Variants in TRAPPC2 observed in about 807,000 individuals in gnomAD.
TRAPPC2 encodes trafficking protein particle complex subunit 2.
A neutral mutation model predicts 10.0 loss-of-function variants in TRAPPC2; 4 were observed. The observed-to-expected ratio is 0.40, with a 90% confidence interval of 0.20 to 0.92. The LOEUF is 0.92. Ranked by LOEUF, TRAPPC2 falls within the 40% of genes least tolerant of loss-of-function variation. The pLI is 0.35. For missense variants in TRAPPC2, 52 were observed against 108.7 expected (o/e 0.48, Z 2.32); for synonymous variants, 36 against 37.3 (o/e 0.97, Z 0.12).
At chrX:13,725,760 G>C (rs2046534037) in intron 2 of TRAPPC2, among the ~76,000 whole-genome samples, 1 of 112,327 alleles carries the variant, frequency 8.9e-6, no homozygotes, top group African/African-American at 3.2e-5. Flanking sequence ...GAATGACTTT[G>C]ATGAGTTGAC....
Position 13,731,742 on chromosome X carries a change from T to C in TRAPPC2, c.-20+2302A>G, listed in dbSNP as rs891583779. Among the ~76,000 whole-genome samples the C allele has an allele frequency of 2.7e-5, 3 of 112,112 alleles. No homozygotes were observed. In the East Asian group the frequency reaches 8.4e-4, roughly 31 times the overall value. On this transcript the variant is annotated intron_variant, in intron 2 of 5. Coordinates refer to ENST00000380579, the MANE Select transcript of TRAPPC2 (RefSeq NM_001011658.4). The stretch of plus-strand genomic sequence containing the variant: ...TACTCGGAGAACATTGGGTGCTCCG[T>C]GTCAATTTATGGCACAGGGTCTCTA...
At chrX:13,721,037 A>AC (rs968792631) in intron 2 of TRAPPC2, 1 of 110,159 alleles carries the variant, frequency 9.1e-6, no homozygotes, top group African/African-American at 3.3e-5. Context: ...AAAAAAAAAA[A>AC]AAAAACAGAT....
chrX:13,727,738 A>C (rs768016150), intron 2 of TRAPPC2, among the ~76,000 whole-genome samples: 2 of 112,219 alleles, frequency 1.8e-5, no homozygotes, highest in South Asian at 7.3e-4. Flanking sequence ...AAGACAAGAA[A>C]TAACTAAGAT....
chrX:13,726,151 A>G (rs1344750515), intron 2 of TRAPPC2, among the ~76,000 whole-genome samples: 2 of 112,551 alleles, frequency 1.8e-5, no homozygotes, highest in African/African-American at 3.2e-5. Flanking sequence ...CCTGAAAGTG[A>G]TGGGGAGAAT....
rs1569070216 is a variant in TRAPPC2, at chrX:13,713,355, AAGG to A, written c.*1049_*1051del. The A allele has an allele frequency of 9.7e-6, 1 of 103,160 alleles. No homozygotes were observed. The highest frequency in any genetic ancestry group is 3.1e-4 in the East Asian group (1 of 3,205). 8.5% of individuals were successfully genotyped at this position (103,160 alleles called of 1,213,427 possible). ...ATCCCAGCTACTCGGGAGGCTGAAG[AAGG>A]AGAATTGCTTGAACCCAGGAGGTGG... is the stretch of plus-strand genomic sequence containing the variant. On this transcript the variant is annotated 3_prime_UTR_variant, in exon 6 of 6. Transcript: ENST00000380579.
At chrX:13,723,335 T>C (rs1051153503) in intron 2 of TRAPPC2, among the ~76,000 whole-genome samples, 21 of 108,017 alleles carry the variant, frequency 1.9e-4, no homozygotes, top group African/African-American at 6.8e-4. Context: ...GCCCGGCTAA[T>C]TTTTGTATTT....
chrX:13,727,898 TA>T (rs1390997164), intron 2 of TRAPPC2, among the ~76,000 whole-genome samples: 1 of 110,845 alleles, frequency 9.0e-6, no homozygotes, highest in Admixed American at 9.6e-5. Context: ...ATAGATGCAA[TA>T]AAAAATGATA....
At chrX:13,717,053 A>AC (rs1457553151) in intron 3 of TRAPPC2, among the ~76,000 whole-genome samples, 1 of 105,550 alleles carries the variant, frequency 9.5e-6, no homozygotes, top group Non-Finnish European at 2.0e-5. Flanking sequence ...AAAAAAAAAA[A>AC]AAAAAAAAAA....
intron 2 of TRAPPC2, among the ~76,000 whole-genome samples, chrX:13,724,400 T>TAAAAAAA (rs772302164): frequency 2.4e-5 from 2 of 82,313 alleles, no homozygotes; most frequent in African/African-American, 9.0e-5. Context: ...AATATATATT[T>TAAAAAAA]AAAAAAAAAA....
intron 2 of TRAPPC2, among the ~76,000 whole-genome samples, chrX:13,724,994 A>G (rs2046513290): frequency 8.8e-6 from 1 of 113,192 alleles, no homozygotes; most frequent in South Asian, 3.6e-4. Flanking sequence ...AGCCTTGCTC[A>G]CTGCTAGCGC....
chrX:13,729,065 G>T (rs1421651088), intron 2 of TRAPPC2, among the ~76,000 whole-genome samples: 1 of 111,531 alleles, frequency 9.0e-6, no homozygotes, highest in Non-Finnish European at 1.9e-5. Flanking sequence ...TCTTCAAGGA[G>T]AACTACAAAC....
intron 2 of TRAPPC2, among the ~76,000 whole-genome samples, chrX:13,725,008 A>G: frequency 8.8e-6 from 1 of 113,306 alleles, no homozygotes; most frequent in South Asian, 3.6e-4. Flanking sequence ...CTAGCGCAGC[A>G]GTCTGAGATT....
At chrX:13,728,607 A>G (rs1005522382) in intron 2 of TRAPPC2, among the ~76,000 whole-genome samples, 1 of 112,070 alleles carries the variant, frequency 8.9e-6, no homozygotes, top group African/African-American at 3.2e-5. Flanking sequence ...ATCTCAAAAT[A>G]ATAAGAGCTA....
chrX:13,717,221 T>C (rs1382331839), intron 3 of TRAPPC2, among the ~76,000 whole-genome samples: 2 of 110,087 alleles, frequency 1.8e-5, no homozygotes, highest in East Asian at 5.7e-4. Flanking sequence ...TTCCAGTGCA[T>C]GGAGCTTACA....
At chrX:13,716,770 C>T (rs1273695465) in intron 3 of TRAPPC2, 92 bp from the exon 4 acceptor site, 13 of 998,581 alleles carry the variant, frequency 1.3e-5, no homozygotes, top group Middle Eastern at 2.7e-4. Flanking sequence ...AGATGGTTTT[C>T]TTGTGGGGAA....
In TRAPPC2 at chrX:13,717,911, G is replaced by A. The variant is rs182506300; in HGVS notation, c.94-1233C>T. On this transcript the variant is annotated intron_variant, in intron 3 of 5. Transcript: ENST00000380579. ...GATGAGGTCACACTGGAGTAGGGTG[G>A]GCCCCTAATCCAATGGACTGGTGTA... Among the ~76,000 whole-genome samples, 610 of 111,770 alleles carry A rather than the reference G, an allele frequency of 5.5e-3. 4 individuals carry two copies. The highest frequency in any genetic ancestry group is 0.019 in the African/African-American group (580 of 30,771).
rs757975308 is a variant in TRAPPC2, at chrX:13,713,172, G to A, written c.*1235C>T. 5 of 109,207 alleles carry A rather than the reference G, an allele frequency of 4.6e-5. No individual in the cohort carries two copies. Among genetic ancestry groups the A allele is most frequent in the Admixed American group, 2.0e-4 (2 of 10,204 alleles). The allele number at this position is 109,207 out of a possible 1,213,427, so 9.0% of individuals were successfully genotyped here. On this transcript the variant is annotated 3_prime_UTR_variant, in exon 6 of 6. Transcript: ENST00000380579. ...GTAAGTCAAAAGCTTATTCCTGGCC[G>A]GGCACGGTGGTTCATGCCTGTAATC...
rs1259746958 is a variant in TRAPPC2, at chrX:13,713,488, CAA to C, written c.*917_*918del. On this transcript the variant is annotated 3_prime_UTR_variant, in exon 6 of 6. Coordinates refer to ENST00000380579, the MANE Select transcript of TRAPPC2 (RefSeq NM_001011658.4). ...AACAAAAAACAAAAACAAAAACCCA[CAA>C]AAAACCAAAAAGCTTATTCCCAATT... is the stretch of plus-strand genomic sequence containing the variant. 9.8e-6 allele frequency: 1 copy of C among 102,299 alleles called. No homozygotes were observed. Among genetic ancestry groups the C allele is most frequent in the Non-Finnish European group, 2.0e-5 (1 of 50,484 alleles). 8.4% of individuals were successfully genotyped at this position (102,299 alleles called of 1,213,427 possible). A position where few individuals can be genotyped will look rare whatever the true frequency, so the allele number is the denominator to read the frequency against.
chrX:13,723,708 A>C (rs926083123), intron 2 of TRAPPC2, among the ~76,000 whole-genome samples: 7 of 110,927 alleles, frequency 6.3e-5, no homozygotes, highest in Non-Finnish European at 1.3e-4. Flanking sequence ...GTAGCTACAC[A>C]GAATTTGGGA....
Sources: allele counts gnomAD v4.1 joint callset (sites outside exome capture counted in the v4.1 genomes callset), GRCh38; gene constraint gnomAD v4.1.1; transcripts MANE v1.5; gene names NCBI Gene and HGNC (gene_info 2026-07-23, HGNC 2026-07-21).